The following NKAIN2 variants were observed in gnomAD, a reference collection of about 807,000 sequenced individuals.
NKAIN2 encodes sodium/potassium-transporting ATPase subunit beta-1-interacting protein 2.
NKAIN2 carries 14 observed loss-of-function variants against 32.6 expected under a neutral mutation model. The ratio of observed to expected loss-of-function variants is 0.43; its 90% CI spans 0.28 to 0.67. The LOEUF (loss-of-function observed/expected upper bound fraction) is 0.67, where lower values mean the gene tolerates loss of function less well. Ranked by LOEUF, NKAIN2 falls within the 30% of genes least tolerant of loss-of-function variation. The pLI, the probability that NKAIN2 is intolerant of heterozygous loss-of-function variation, is 0.17. For synonymous variants in NKAIN2, 80 were observed against 87.2 expected (o/e 0.92, Z 0.46); for missense variants, 198 against 258.3 (o/e 0.77, Z 1.60).
At chr6:123,997,684 A>C (rs1779687751) in intron 1 of NKAIN2, among the ~76,000 whole-genome samples, 1 of 145,880 alleles carries the variant, frequency 6.9e-6, no homozygotes, top group Non-Finnish European at 1.5e-5. Context: ...GCTCACTGCA[A>C]GCTCCGCCTT....
At chr6:124,334,711 G>A (rs933596674) in intron 2 of NKAIN2, among the ~76,000 whole-genome samples, 1 of 137,056 alleles carries the variant, frequency 7.3e-6, no homozygotes, top group African/African-American at 2.8e-5. Flanking sequence ...GTGATCTTGC[G>A]GCATCTAGCT....
At chr6:123,997,403 G>A (rs2114703121) in intron 1 of NKAIN2, among the ~76,000 whole-genome samples, 1 of 152,186 alleles carries the variant, frequency 6.6e-6, no homozygotes, top group Non-Finnish European at 1.5e-5. Flanking sequence ...TAACGTTCAA[G>A]TGGCCTCCAG....
At chr6:124,130,214 A>G (rs1284363619) in intron 1 of NKAIN2, among the ~76,000 whole-genome samples, 1 of 152,162 alleles carries the variant, frequency 6.6e-6, no homozygotes, top group African/African-American at 2.4e-5. Flanking sequence ...ACCCAGGCAA[A>G]GGGGGTGGTA....
At chr6:124,367,304 T>C (rs978361942) in intron 3 of NKAIN2, among the ~76,000 whole-genome samples, 2 of 152,138 alleles carry the variant, frequency 1.3e-5, no homozygotes, top group African/African-American at 4.8e-5. Context: ...TCAAGGAAAA[T>C]GTCAGGCATA....
chr6:124,709,422 T>G (rs903062561), intron 4 of NKAIN2, among the ~76,000 whole-genome samples: 1 of 151,542 alleles, frequency 6.6e-6, no homozygotes, highest in African/African-American at 2.4e-5. Context: ...TGGTACCAGT[T>G]CCTCCTTGTA....
In NKAIN2 at chr6:124,768,122, T is replaced by C. The variant is rs559612030; in HGVS notation, c.475-23217T>C. Among the ~76,000 whole-genome samples, 14 of 152,306 alleles carry C rather than the reference T, an allele frequency of 9.2e-5. 1 individual carries two copies. The South Asian group carries it at 1.7e-3, about 18-fold the overall frequency. On this transcript the variant is annotated intron_variant, in intron 4 of 6. Transcript: ENST00000368417. ...AGTGTTTACATCCTCATTCTAGAGA[T>C]AGGAAAGAGTCCAAAACATTTAAAA...
intron 1 of NKAIN2, among the ~76,000 whole-genome samples, chr6:123,914,622 G>T (rs578240789): frequency 6.6e-6 from 1 of 152,076 alleles, no homozygotes; most frequent in Non-Finnish European, 1.5e-5. Context: ...GACACTGAGG[G>T]TTTGGTGATT....
chr6:124,459,200 T>A (rs1400467710), intron 3 of NKAIN2, among the ~76,000 whole-genome samples: 1 of 151,860 alleles, frequency 6.6e-6, no homozygotes, highest in Non-Finnish European at 1.5e-5. Flanking sequence ...AATAAATTAA[T>A]TTAGACCCTG....
At chr6:124,656,549 C>T (rs986868478) in intron 3 of NKAIN2, among the ~76,000 whole-genome samples, 2 of 151,922 alleles carry the variant, frequency 1.3e-5, no homozygotes, top group Non-Finnish European at 2.9e-5. Flanking sequence ...AAAAGTGTCT[C>T]GAGACACTTT....
intron 1 of NKAIN2, among the ~76,000 whole-genome samples, chr6:124,177,646 A>G (rs753529135): frequency 1.6e-4 from 24 of 152,058 alleles, no homozygotes; most frequent in Non-Finnish European, 2.2e-4. Context: ...CCCAAAATCT[A>G]TATGTTGAAA....
chr6:124,554,596 A>G (rs954244473), intron 3 of NKAIN2, among the ~76,000 whole-genome samples: 4 of 152,314 alleles, frequency 2.6e-5, no homozygotes, highest in African/African-American at 7.2e-5. Flanking sequence ...TTTTAAGGAG[A>G]TGAACATTTA....
At chr6:123,811,701 T>C (rs2114864331) in intron 1 of NKAIN2, among the ~76,000 whole-genome samples, 1 of 152,256 alleles carries the variant, frequency 6.6e-6, no homozygotes, top group Middle Eastern at 3.4e-3. Flanking sequence ...TTTAATGTTT[T>C]AACCTTTCAG....
chr6:124,698,831 C>T (rs1205851502), intron 4 of NKAIN2, among the ~76,000 whole-genome samples: 1 of 152,148 alleles, frequency 6.6e-6, no homozygotes, highest in East Asian at 1.9e-4. Flanking sequence ...AGAATTTCCA[C>T]AGAAGGTCAT....
intron 1 of NKAIN2, among the ~76,000 whole-genome samples, chr6:123,938,409 T>TTA (rs1483222374): frequency 1.5e-5 from 1 of 65,060 alleles, no homozygotes; most frequent in Non-Finnish European, 3.0e-5. Context: ...TATATATATA[T>TTA]ATATATATAT....
intron 5 of NKAIN2, among the ~76,000 whole-genome samples, chr6:124,815,013 C>T (rs1781079918): frequency 6.6e-6 from 1 of 151,508 alleles, no homozygotes. Context: ...TTTTGTCTGC[C>T]CTGATCTTGA....
chr6:124,477,433 C>A (rs1392825789), intron 3 of NKAIN2, among the ~76,000 whole-genome samples: 1 of 152,210 alleles, frequency 6.6e-6, no homozygotes, highest in East Asian at 1.9e-4. Context: ...AATGCCTCTT[C>A]ACGTCCTCTT....
intron 5 of NKAIN2, among the ~76,000 whole-genome samples, chr6:124,796,418 G>A (rs961603757): frequency 1.3e-5 from 2 of 152,062 alleles, no homozygotes; most frequent in African/African-American, 4.8e-5. Flanking sequence ...AATTTGAGGG[G>A]GATCACAATT....
At chr6:123,830,303 C>T (rs1041479679) in intron 1 of NKAIN2, among the ~76,000 whole-genome samples, 7 of 152,140 alleles carry the variant, frequency 4.6e-5, no homozygotes, top group African/African-American at 1.7e-4. Flanking sequence ...AAATGCAGAT[C>T]TAATCGCATT....
At chr6:123,976,350 T>TATATATATATATATATATATTCCC (rs1778604793) in intron 1 of NKAIN2, among the ~76,000 whole-genome samples, 1 of 25,228 alleles carries the variant, frequency 4.0e-5, no homozygotes, top group Non-Finnish European at 7.5e-5. Flanking sequence ...TATGTTCCCA[T>TATATATATATATATATATATTCCC]ATATATATAT....
Sources: allele counts gnomAD v4.1 joint callset (sites outside exome capture counted in the v4.1 genomes callset), GRCh38; gene constraint gnomAD v4.1.1; transcripts MANE v1.5; gene names NCBI Gene and HGNC (gene_info 2026-07-23, HGNC 2026-07-21).